Variants in VWC2L observed in about 807,000 individuals in gnomAD.
VWC2L encodes the protein von Willebrand factor C domain containing 2 like.
VWC2L carries 10 observed loss-of-function variants against 21.6 expected under a neutral mutation model. That is an observed-to-expected ratio of 0.46 (90% CI 0.29 to 0.78). VWC2L has a LOEUF of 0.78. Ranked by LOEUF, VWC2L falls within the 30% of genes least tolerant of loss-of-function variation. The pLI is 0.10. For synonymous variants in VWC2L, 96 were observed against 94.3 expected, an observed-to-expected ratio of 1.02 and a Z score of -0.10; for missense variants, 209 against 277.1, an observed-to-expected ratio of 0.75 and a Z score of 1.74.
intron 3 of VWC2L, among the ~76,000 whole-genome samples, chr2:214,458,594 C>A (rs911142307): frequency 6.6e-6 from 1 of 152,048 alleles, no homozygotes; most frequent in Non-Finnish European, 1.5e-5. Flanking sequence ...CTTAGCACAG[C>A]TTTTGCTCTA....
At position 214,496,260 on chromosome 2, in the gene VWC2L, C is replaced by A. The variant is rs1688811445; in HGVS notation, c.520+59502C>A. On this transcript the variant is annotated intron_variant, in intron 3 of 3. Transcript: ENST00000312504. ...TATTACAATCTTATGGGACAACTCT[C>A]ATATAAGTAACTCATCAGTGACTGA... is the stretch of plus-strand genomic sequence containing the variant. Among the ~76,000 whole-genome samples, 3 of 97,002 alleles carry A rather than the reference C, an allele frequency of 3.1e-5. No individual in the cohort carries two copies. In the South Asian group the frequency reaches 8.7e-4, roughly 28 times the overall value. The allele number at this position is 97,002 out of a possible 152,430, so 63.6% of individuals were successfully genotyped here.
At chr2:214,487,333 CTA>C (rs1255393379) in intron 3 of VWC2L, among the ~76,000 whole-genome samples, 2 of 152,210 alleles carry the variant, frequency 1.3e-5, no homozygotes, top group Non-Finnish European at 2.9e-5. Context: ...AGTCTTCACT[CTA>C]TCACACAGTA....
chr2:214,470,858 A>C (rs1703295931), intron 3 of VWC2L, among the ~76,000 whole-genome samples: 1 of 139,906 alleles, frequency 7.1e-6, no homozygotes, highest in Non-Finnish European at 1.5e-5. Flanking sequence ...TGGAGGTTGC[A>C]GTGAGCCACG....
chr2:214,570,965 G>A (rs1024254736), intron 3 of VWC2L, among the ~76,000 whole-genome samples: 1 of 152,138 alleles, frequency 6.6e-6, no homozygotes, highest in Non-Finnish European at 1.5e-5. Context: ...GCTGTCAAAA[G>A]GGAAGTCTAA....
chr2:214,555,994 C>T (rs1256274156), intron 3 of VWC2L, among the ~76,000 whole-genome samples: 1 of 152,152 alleles, frequency 6.6e-6, no homozygotes, highest in Non-Finnish European at 1.5e-5. Context: ...TTCTCTGAGA[C>T]AAAATAGCAC....
intron 3 of VWC2L, among the ~76,000 whole-genome samples, chr2:214,467,089 A>G (rs573522010): frequency 6.6e-6 from 1 of 152,270 alleles, no homozygotes; most frequent in African/African-American, 2.4e-5. Flanking sequence ...GGCTTTTAAG[A>G]TTTGTTCAGC....
Position 214,479,791 on chromosome 2 carries a change from CAAAAT to C in VWC2L, c.520+43036_520+43040del, listed in dbSNP as rs1225650402. Among the ~76,000 whole-genome samples, 8 of 152,186 alleles carry C rather than the reference CAAAAT, an allele frequency of 5.3e-5. 2 individuals are homozygous for C. The highest frequency in any genetic ancestry group is 1.9e-4 in the African/African-American group (8 of 41,540). On this transcript the variant is annotated intron_variant, in intron 3 of 3. Transcript: ENST00000312504. ...GAGCAAGAAGAGTGAGACTCTGTCT[CAAAAT>C]AATAATAATCTGGATATAGAGCAAG... is the stretch of plus-strand genomic sequence containing the variant.
intron 3 of VWC2L, among the ~76,000 whole-genome samples, chr2:214,499,942 T>C (rs1016207209): frequency 6.6e-6 from 1 of 152,110 alleles, no homozygotes; most frequent in African/African-American, 2.4e-5. Flanking sequence ...TAGACAATGA[T>C]AGGGGCTATT....
chr2:214,509,983 T>A (rs1383225324), intron 3 of VWC2L, among the ~76,000 whole-genome samples: 3 of 152,262 alleles, frequency 2.0e-5, no homozygotes, highest in Admixed American at 6.5e-5. Context: ...ATATACTTTA[T>A]CATTTATATA....
chr2:214,416,648 C>G (rs745957462), intron 2 of VWC2L, among the ~76,000 whole-genome samples: 10 of 152,108 alleles, frequency 6.6e-5, no homozygotes, highest in South Asian at 4.1e-4. Flanking sequence ...TATGATCTCT[C>G]AAAGCAGTTT....
chr2:214,554,756 C>T (rs761637492), intron 3 of VWC2L, among the ~76,000 whole-genome samples: 1 of 152,166 alleles, frequency 6.6e-6, no homozygotes, highest in Non-Finnish European at 1.5e-5. Flanking sequence ...ACTGACAAAA[C>T]AGACTCTTTG....
chr2:214,451,334 A>C (rs533322211), intron 3 of VWC2L, among the ~76,000 whole-genome samples: 33 of 151,542 alleles, frequency 2.2e-4, no homozygotes, highest in African/African-American at 7.7e-4. Context: ...TAAAAGCTGA[A>C]ATAATTGTCA....
At chr2:214,429,705 A>G (rs1559288245) in intron 2 of VWC2L, among the ~76,000 whole-genome samples, 2 of 152,160 alleles carry the variant, frequency 1.3e-5, no homozygotes, top group Non-Finnish European at 2.9e-5. Flanking sequence ...GAGGAAAAAT[A>G]TCGGTTCTTC....
chr2:214,509,121 G>T (rs1019499937), intron 3 of VWC2L, among the ~76,000 whole-genome samples: 2 of 151,988 alleles, frequency 1.3e-5, no homozygotes, highest in Middle Eastern at 3.2e-3. Flanking sequence ...ACAGGCTTGA[G>T]CCTCTTTCCC....
At chr2:214,427,343 A>G (rs1414205733) in intron 2 of VWC2L, among the ~76,000 whole-genome samples, 5 of 152,176 alleles carry the variant, frequency 3.3e-5, no homozygotes, top group Admixed American at 3.3e-4. Flanking sequence ...GAATCAGAGA[A>G]TTTTTCTTTT....
At chr2:214,471,418 G>A (rs1048379723) in intron 3 of VWC2L, among the ~76,000 whole-genome samples, 2 of 152,184 alleles carry the variant, frequency 1.3e-5, no homozygotes, top group Admixed American at 1.3e-4. Context: ...TGAGTAGGTT[G>A]AATGAGATTA....
intron 3 of VWC2L, among the ~76,000 whole-genome samples, chr2:214,523,783 C>T (rs1274613129): frequency 2.6e-5 from 4 of 152,002 alleles, no homozygotes; most frequent in East Asian, 1.9e-4. Context: ...TGCAGTGAGC[C>T]GAGATCGCAC....
intron 3 of VWC2L, among the ~76,000 whole-genome samples, chr2:214,476,272 GAT>G (rs1338392365): frequency 6.6e-6 from 1 of 152,120 alleles, no homozygotes; most frequent in African/African-American, 2.4e-5. Flanking sequence ...ATATTTCAAT[GAT>G]ATATATTCAT....
chr2:214,556,938 G>C (rs557091255), intron 3 of VWC2L, among the ~76,000 whole-genome samples: 155 of 152,286 alleles, frequency 1.0e-3, no homozygotes, highest in African/African-American at 3.5e-3. Context: ...ACTATCCTCA[G>C]CACATGGTGT....
Sources: allele counts gnomAD v4.1 joint callset (sites outside exome capture counted in the v4.1 genomes callset), GRCh38; gene constraint gnomAD v4.1.1; transcripts MANE v1.5; gene names NCBI Gene and HGNC (gene_info 2026-07-23, HGNC 2026-07-21).